Variants in B3GAT2 observed in about 807,000 individuals in gnomAD.
The protein encoded by B3GAT2 is beta-1,3-glucuronyltransferase 2, also known as galactosylgalactosylxylosylprotein 3-beta-glucuronosyltransferase 2.
Under a neutral mutation model 27.8 loss-of-function variants are expected in B3GAT2, and 26 were observed. The observed-to-expected ratio is 0.93, with a 90% CI of 0.68 to 1.30. The LOEUF is 1.30. Among genes scored for constraint, B3GAT2 ranks in the 50% most tolerant of loss-of-function variants. B3GAT2 has a pLI of 0.00. For synonymous variants in B3GAT2, 218 were observed against 195.1 expected (o/e 1.12, Z -0.98); for missense variants, 458 against 459.0 (o/e 1.00, Z 0.02).
chr6:70,904,004 T>C (rs183282450), intron 1 of B3GAT2, among the ~76,000 whole-genome samples: 66 of 152,234 alleles, frequency 4.3e-4, no homozygotes, highest in East Asian at 4.0e-3. Flanking sequence ...AACTTGTAAA[T>C]AGATAAACAA....
intron 1 of B3GAT2, among the ~76,000 whole-genome samples, chr6:70,949,294 G>A (rs1053779436): frequency 8.6e-5 from 13 of 152,028 alleles, no homozygotes; most frequent in East Asian, 3.9e-4. Context: ...GAATATTTTC[G>A]CAACCTACTC....
chr6:70,899,673 C>T (rs747296115), intron 1 of B3GAT2, among the ~76,000 whole-genome samples: 8 of 152,178 alleles, frequency 5.3e-5, no homozygotes, highest in Non-Finnish European at 7.4e-5. Flanking sequence ...CCTCTATCCT[C>T]GACCACTATA....
chr6:70,902,633 T>TACACACACACAC (rs200605766), intron 1 of B3GAT2, among the ~76,000 whole-genome samples: 120 of 144,176 alleles, frequency 8.3e-4, no homozygotes, highest in African/African-American at 3.1e-3. Context: ...TATATATATA[T>TACACACACACAC]ATATACACAC....
At chr6:70,914,317 G>A (rs887736586) in intron 1 of B3GAT2, among the ~76,000 whole-genome samples, 3 of 152,036 alleles carry the variant, frequency 2.0e-5, no homozygotes, top group African/African-American at 7.2e-5. Context: ...GGTGTGTGAT[G>A]TTCCCCTCTC....
intron 1 of B3GAT2, among the ~76,000 whole-genome samples, chr6:70,903,231 C>T (rs1772538829): frequency 6.6e-6 from 1 of 151,838 alleles, no homozygotes; most frequent in Non-Finnish European, 1.5e-5. Flanking sequence ...AACCCAAACA[C>T]AAAAGCTAAA....
chr6:70,956,971 T>C lies in B3GAT2; in HGVS notation c.-542A>G. On this transcript the variant is annotated 5_prime_UTR_variant, in exon 1 of 4. Transcript: ENST00000230053. ...GAGGAGCGGGTGGAGACGCTGGGGG[T>C]TGTGTCCCGGCTGTGTTCGCGCGCC... is the stretch of plus-strand genomic sequence containing the variant. 1 of 1,005,020 alleles carries C rather than the reference T, an allele frequency of 1.0e-6. No individual in the cohort carries two copies. Among genetic ancestry groups the C allele is most frequent in the African/African-American group, 1.8e-5 (1 of 56,980 alleles). 62.3% of individuals were successfully genotyped at this position (1,005,020 alleles called of 1,614,324 possible).
At chr6:70,885,262 G>A (rs1177467462) in intron 2 of B3GAT2, among the ~76,000 whole-genome samples, 3 of 151,972 alleles carry the variant, frequency 2.0e-5, no homozygotes, top group South Asian at 2.1e-4. Context: ...TACTTGTCTC[G>A]TGGTCTACAT....
chr6:70,897,593 G>C (rs1251379697), intron 1 of B3GAT2, among the ~76,000 whole-genome samples: 2 of 149,888 alleles, frequency 1.3e-5, no homozygotes, highest in African/African-American at 4.9e-5. Context: ...ACAAAAATTA[G>C]CCAGGTGTGG....
At chr6:70,925,879 G>A (rs986656708) in intron 1 of B3GAT2, among the ~76,000 whole-genome samples, 3 of 152,212 alleles carry the variant, frequency 2.0e-5, no homozygotes, top group African/African-American at 7.2e-5. Flanking sequence ...GTAGCCCAGT[G>A]GGAGACACCT....
Position 70,956,076 on chromosome 6 carries a change from G to A in B3GAT2, c.354C>T (p.Asp118=), listed in dbSNP as rs1765651552. The A allele has an allele frequency of 1.3e-6, 2 of 1,587,558 alleles. No individual in the cohort carries two copies. The highest frequency in any genetic ancestry group is 1.1e-5 in the South Asian group (1 of 88,358). ...VAQLHWILVE[D]AAARSELVSR... is the part of the protein sequence containing the mutation. ...TCACCAGCTCGCTGCGCGCCGCCGC[G>A]TCCTCCACCAGGATCCAGTGCAGCT... Residue 118 remains aspartate (D), a synonymous_variant, in exon 1 of 4, where the codon GAC becomes GAT. Coordinates refer to ENST00000230053, the MANE Select transcript of B3GAT2 (RefSeq NM_080742.3).
intron 1 of B3GAT2, 48 bp downstream of exon 1, chr6:70,955,791 A>G: frequency 1.3e-6 from 2 of 1,503,222 alleles, no homozygotes; most frequent in Non-Finnish European, 1.8e-6. Context: ...GCCGGCCCGG[A>G]GGCCCACTCC....
At chr6:70,934,607 A>G (rs1293056071) in intron 1 of B3GAT2, among the ~76,000 whole-genome samples, 1 of 152,196 alleles carries the variant, frequency 6.6e-6, no homozygotes, top group Non-Finnish European at 1.5e-5. Flanking sequence ...AGGTGACCTA[A>G]TATCATTAAT....
chr6:70,859,417 G>A lies in B3GAT2; in HGVS notation c.*2246C>T, dbSNP rs1771598263. ...AGGTGGTTAAAATGTCCTTTAGTAGGTATGAAGACGTGATCTGCTTCTTCA... is the reference window on the plus strand; with the variant it reads ...AGGTGGTTAAAATGTCCTTTAGTAGATATGAAGACGTGATCTGCTTCTTCA... On this transcript the variant is annotated 3_prime_UTR_variant, in exon 4 of 4. Coordinates refer to ENST00000230053, the MANE Select transcript of B3GAT2 (RefSeq NM_080742.3). The A allele has an allele frequency of 1.3e-6, 2 of 1,537,256 alleles. No individual in the cohort carries two copies. Among genetic ancestry groups the A allele is most frequent in the Non-Finnish European group, 1.8e-6 (2 of 1,136,922 alleles).
intron 1 of B3GAT2, among the ~76,000 whole-genome samples, chr6:70,917,238 G>A (rs763611971): frequency 1.3e-5 from 2 of 152,072 alleles, no homozygotes; most frequent in Non-Finnish European, 2.9e-5. Flanking sequence ...TGGGATCGGT[G>A]GTGATATCCC....
At chr6:70,903,541 A>C (rs1347510298) in intron 1 of B3GAT2, among the ~76,000 whole-genome samples, 2 of 152,192 alleles carry the variant, frequency 1.3e-5, no homozygotes, top group African/African-American at 4.8e-5. Flanking sequence ...AAAGTCAGTG[A>C]AAGATATGAA....
chr6:70,892,061 A>G (rs1045323725), intron 2 of B3GAT2, among the ~76,000 whole-genome samples: 3 of 152,226 alleles, frequency 2.0e-5, no homozygotes, highest in Non-Finnish European at 4.4e-5. Flanking sequence ...ATTTAGTGTG[A>G]CAAAAGTTGT....
intron 1 of B3GAT2, among the ~76,000 whole-genome samples, chr6:70,941,530 C>A (rs1237866363): frequency 6.6e-6 from 1 of 152,114 alleles, no homozygotes; most frequent in Non-Finnish European, 1.5e-5. Flanking sequence ...CAAACCTCCC[C>A]TTTTAATGGC....
intron 1 of B3GAT2, among the ~76,000 whole-genome samples, chr6:70,943,865 T>C (rs1765433040): frequency 6.6e-6 from 1 of 152,130 alleles, no homozygotes; most frequent in African/African-American, 2.4e-5. Context: ...AAAGAATACA[T>C]TTAGAAGATC....
At position 70,859,485 on chromosome 6, in the gene B3GAT2, TTGAAAC is replaced by T. The variant is rs1325771681; in HGVS notation, c.*2172_*2177del. 3.0e-6 allele frequency: 3 copies of T among 1,013,496 alleles called. No individual in the cohort carries two copies. The African/African-American group carries it at 4.9e-5, about 16-fold the overall frequency. The allele number at this position is 1,013,496 out of a possible 1,614,324, so 62.8% of individuals were successfully genotyped here. Reference sequence around the variant, plus strand: ...AGTGATGTAGTTTATGTTAGTGTCTTTGAAACTGTAAATAAGTCAAGTCAAATGTAT... The same window carrying T: ...AGTGATGTAGTTTATGTTAGTGTCTTTGTAAATAAGTCAAGTCAAATGTAT... On this transcript the variant is annotated 3_prime_UTR_variant, in exon 4 of 4. Transcript: ENST00000230053.
Sources: allele counts gnomAD v4.1 joint callset (sites outside exome capture counted in the v4.1 genomes callset), GRCh38; gene constraint gnomAD v4.1.1; transcripts MANE v1.5; gene names NCBI Gene and HGNC (gene_info 2026-07-23, HGNC 2026-07-21).